Variants in MLKL observed in about 807,000 individuals in gnomAD.
The protein encoded by MLKL is mixed lineage kinase domain-like protein.
In MLKL, 55 loss-of-function variants were observed where a neutral mutation model predicts 56.5. The ratio of observed to expected loss-of-function variants is 0.97; its 90% CI spans 0.78 to 1.22. MLKL has a LOEUF of 1.22. MLKL is among the 50% of genes most tolerant of loss of function. MLKL has a pLI of 0.00. For synonymous variants in MLKL, 251 were observed against 208.3 expected (o/e 1.20, Z -1.76); for missense variants, 694 against 573.9 (o/e 1.21, Z -2.14).
chr16:74,681,808 A>G lies in MLKL; in HGVS notation c.956+843T>C, dbSNP rs374310016. ...GACTCCATCTCAAGAAGAAAAAAAA[A>G]GAAAAGAAAAAAACACAAGACACTC... On this transcript the variant is annotated intron_variant, in intron 6 of 10. Transcript: ENST00000308807. 2.6e-5 allele frequency among the ~76,000 whole-genome samples: 4 copies of G among 152,204 alleles called. No homozygotes were observed. In the East Asian group the frequency reaches 7.7e-4, roughly 29 times the overall value.
chr16:74,685,966 T>C (rs1184188733), intron 4 of MLKL, among the ~76,000 whole-genome samples: 2 of 151,392 alleles, frequency 1.3e-5, no homozygotes, highest in East Asian at 3.9e-4. Context: ...GTGTGTCTTT[T>C]TTTTTTTTTT....
chr16:74,695,953 G>A (rs1401214191), intron 1 of MLKL, among the ~76,000 whole-genome samples, 194 bp from the exon 2 acceptor site: 1 of 152,204 alleles, frequency 6.6e-6, no homozygotes, highest in African/African-American at 2.4e-5. Flanking sequence ...TTGTAGCTGG[G>A]AAGAGCTGGT....
Position 74,672,367 on chromosome 16 carries a change from T to C in MLKL, c.*137A>G, listed in dbSNP as rs1032026533. On this transcript the variant is annotated 3_prime_UTR_variant, in exon 11 of 11. Transcript: ENST00000308807. ...GTCCTGTATGACTGGAATCGTTTTC[T>C]ATTTGTAACAGAGAAGCGTGCCCAC... is the stretch of plus-strand genomic sequence containing the variant. 2.1e-5 allele frequency: 16 copies of C among 753,638 alleles called. No individual in the cohort carries two copies. In the African/African-American group the frequency reaches 2.8e-4, roughly 13 times the overall value. 46.7% of individuals were successfully genotyped at this position (753,638 alleles called of 1,614,324 possible). A position where few individuals can be genotyped will look rare whatever the true frequency, so the allele number is the denominator to read the frequency against.
At chr16:74,683,574 A>G (rs544842384) in intron 5 of MLKL, among the ~76,000 whole-genome samples, 34 of 149,972 alleles carry the variant, frequency 2.3e-4, no homozygotes, top group African/African-American at 8.4e-4. Context: ...AGCCTGAGTG[A>G]CAGAATGAGA....
At chr16:74,689,241 A>G (rs1419208752) in intron 4 of MLKL, among the ~76,000 whole-genome samples, 1 of 151,752 alleles carries the variant, frequency 6.6e-6, no homozygotes, top group Non-Finnish European at 1.5e-5. Context: ...CAGCCTCCCA[A>G]GTAGCTGGGA....
intron 4 of MLKL, among the ~76,000 whole-genome samples, chr16:74,688,985 C>A (rs1960500815): frequency 6.6e-6 from 1 of 152,154 alleles, no homozygotes; most frequent in Non-Finnish European, 1.5e-5. Context: ...ATTGAAGATT[C>A]AGAAAAGGCA....
At position 74,681,490 on chromosome 16, in the gene MLKL, T is replaced by C. The variant is rs867086905; in HGVS notation, c.956+1161A>G. 1.1e-4 allele frequency among the ~76,000 whole-genome samples: 16 copies of C among 151,990 alleles called. No individual in the cohort carries two copies. The Middle Eastern group carries it at 0.017, about 162-fold the overall frequency. Reference sequence around the variant, plus strand: ...TTCTGCAGGTGAGAATAGGTAGAGTTGCCAAATAAAACACAAGACACGGCC... The same window carrying C: ...TTCTGCAGGTGAGAATAGGTAGAGTCGCCAAATAAAACACAAGACACGGCC... On this transcript the variant is annotated intron_variant, in intron 6 of 10. Transcript: ENST00000308807.
At chr16:74,688,275 A>T (rs908330253) in intron 4 of MLKL, among the ~76,000 whole-genome samples, 4 of 152,194 alleles carry the variant, frequency 2.6e-5, no homozygotes, top group Admixed American at 2.0e-4. Context: ...AGGCCAGCAC[A>T]GTCTTTTAAA....
intron 10 of MLKL, among the ~76,000 whole-genome samples, chr16:74,673,479 A>G (rs1597475446): frequency 6.6e-6 from 1 of 151,990 alleles, no homozygotes; most frequent in South Asian, 2.1e-4. Context: ...CAGCCTCCCA[A>G]AGTGCTGAGA....
At chr16:74,674,130 T>C (rs563068445) in intron 10 of MLKL, among the ~76,000 whole-genome samples, 12 of 151,764 alleles carry the variant, frequency 7.9e-5, no homozygotes, top group Non-Finnish European at 1.8e-4. Flanking sequence ...GGCTGTCCTA[T>C]GCGTTGTAGG....
chr16:74,685,650 G>T, intron 4 of MLKL, 67 bp from the exon 5 acceptor site: 1 of 1,307,160 alleles, frequency 7.7e-7, no homozygotes. Flanking sequence ...CATTCAGTGT[G>T]GTGACCCTCT....
chr16:74,693,285 T>C (rs561619418), intron 2 of MLKL, among the ~76,000 whole-genome samples: 3 of 151,680 alleles, frequency 2.0e-5, no homozygotes, highest in African/African-American at 4.8e-5. Flanking sequence ...TCAGTAGAGA[T>C]AGTGAAACCC....
chr16:74,695,191 T>G, intron 2 of MLKL, 107 bp downstream of exon 2: 1 of 1,208,866 alleles, frequency 8.3e-7, no homozygotes, highest in Non-Finnish European at 1.2e-6. Flanking sequence ...GAGGTACAAG[T>G]ATATTACAAC....
At chr16:74,690,821 G>A (rs1413807184) in intron 4 of MLKL, among the ~76,000 whole-genome samples, 2 of 145,234 alleles carry the variant, frequency 1.4e-5, no homozygotes, top group Non-Finnish European at 3.0e-5. Flanking sequence ...GGCAAAATGT[G>A]GATCTTCACC....
intron 6 of MLKL, among the ~76,000 whole-genome samples, chr16:74,680,745 T>C (rs1959918708): frequency 6.6e-6 from 1 of 152,184 alleles, no homozygotes; most frequent in Admixed American, 6.5e-5. Context: ...TACCTTGTGA[T>C]CTGTCCGCCT....
In MLKL at chr16:74,672,479, A is replaced by T. The variant is rs1433072046; in HGVS notation, c.*25T>A. ...GCCTCTCCCAGCTTCTTGTCCAGAG[A>T]CTCCTTGGTTTAGATTTTGATACAC... On this transcript the variant is annotated 3_prime_UTR_variant, in exon 11 of 11. Transcript: ENST00000308807. The T allele has an allele frequency of 2.5e-6, 4 of 1,608,408 alleles. No homozygotes were observed. Among genetic ancestry groups the T allele is most frequent in the Non-Finnish European group, 3.4e-6 (4 of 1,175,172 alleles).
intron 4 of MLKL, among the ~76,000 whole-genome samples, chr16:74,687,130 C>A (rs973466069): frequency 6.6e-6 from 1 of 151,836 alleles, no homozygotes; most frequent in African/African-American, 2.4e-5. Context: ...CGCTTGCTAC[C>A]ATGCCCGGCT....
At chr16:74,674,832 A>T in intron 10 of MLKL, 128 bp downstream of exon 10, 1 of 1,137,216 alleles carries the variant, frequency 8.8e-7, no homozygotes, top group Non-Finnish European at 1.3e-6. Flanking sequence ...TTCAGACATC[A>T]CTAAATGTTC....
At chr16:74,697,428 C>T (rs541789573) in intron 1 of MLKL, among the ~76,000 whole-genome samples, 1 of 152,190 alleles carries the variant, frequency 6.6e-6, no homozygotes, top group Non-Finnish European at 1.5e-5. Context: ...CAACTGAAGC[C>T]GACTGCGTTC....
Sources: gnomAD v4.1 joint callset for allele counts (sites outside exome capture counted in the v4.1 genomes callset) on GRCh38, gnomAD v4.1.1 for gene constraint, MANE v1.5 for transcripts, NCBI Gene and HGNC (gene_info 2026-07-23, HGNC 2026-07-21) for gene names.